Variants in FLG observed in about 807,000 individuals in gnomAD.
FLG encodes the protein filaggrin.
In FLG, 6 loss-of-function variants were observed where a neutral mutation model predicts 3.8. The observed-to-expected ratio is 1.60, with a 90% CI of 0.87 to 3.15. The LOEUF is 3.15. Ranked by LOEUF, FLG falls within the 30% of genes most tolerant of loss-of-function variation. The probability of loss-of-function intolerance (pLI) is 0.00; values close to 1 mark genes in which losing one functional copy is unlikely to be tolerated. For missense variants in FLG, 7,595 were observed against 5,050.9 expected (o/e 1.50, Z -15.27); for synonymous variants, 2,551 against 1,931.6 (o/e 1.32, Z -8.41).
At chr1:152,324,464 G>A in intron 1 of FLG, among the ~76,000 whole-genome samples, 1 of 151,716 alleles carries the variant, frequency 6.6e-6, no homozygotes, top group East Asian at 1.9e-4. Context: ...CTTGCCCTTT[G>A]CCTTGGCTAG....
In FLG at chr1:152,310,313, G is replaced by C. The variant is rs147929070; in HGVS notation, c.4573C>G (p.Gln1525Glu). 1.5e-4 allele frequency: 244 copies of C among 1,613,796 alleles called. 1 individual carries two copies. In the African/African-American group the frequency reaches 3.1e-3, roughly 20 times the overall value. The change falls in exon 3 of 3, where the codon CAG becomes GAG. Residue 1525 changes from glutamine to glutamate, a missense_variant. Coordinates refer to ENST00000368799, the MANE Select transcript of FLG (RefSeq NM_002016.2). Reference sequence around the variant, plus strand: ...CCATGGGAGGCATCAGACCTTCCCTGGGGTGTGGTGTGGCTGTGATGGTAC... The same window carrying C: ...CCATGGGAGGCATCAGACCTTCCCTCGGGTGTGGTGTGGCTGTGATGGTAC... Reference protein sequence around the residue: ...SGYHHSHTTPQGRSDASHGQS... With the variant: ...SGYHHSHTTPEGRSDASHGQS...
rs150489352 is a variant in FLG at position 152,304,153 on chromosome 1, G to A, written c.10733C>T (p.Pro3578Leu). ...QEQSRDGSRH[P>L]TSHHEDRAGH... ...GGCTCTGTCTTCGTGATGGGACGTG[G>A]GGTGTCTGGAGCCATCTCTTGACTG... Residue 3578 changes from proline to leucine, a missense_variant, in exon 3 of 3, where the codon CCC becomes CTC. Physicochemically the swap from Pro to Leu is moderately conservative, Grantham distance 98. Transcript: ENST00000368799. The A allele has an allele frequency of 1.2e-6, 2 of 1,605,492 alleles. No individual in the cohort carries two copies. The highest frequency in any genetic ancestry group is 2.8e-5 in the African/African-American group (2 of 72,274).
chr1:152,304,805 C>T lies in FLG; in HGVS notation c.10081G>A (p.Ala3361Thr). The change falls in exon 3 of 3, where the codon GCT becomes ACT. Residue 3361 changes from alanine (A) to threonine (T), a missense_variant. Transcript: ENST00000368799. The part of the protein sequence containing the change: ...DTQSVSGHGQ[A>T]GPHQQSHQES... ...TGGTGGCTCTGCTGATGGGGCCCAGCCTGTCCATGGCCTGACACTGACTGT... is the reference window on the plus strand; with the variant it reads ...TGGTGGCTCTGCTGATGGGGCCCAGTCTGTCCATGGCCTGACACTGACTGT... The T allele has an allele frequency of 6.2e-7, 1 of 1,613,908 alleles. No homozygotes were observed. The highest frequency in any genetic ancestry group is 1.1e-5 in the South Asian group (1 of 91,018).
Position 152,307,096 on chromosome 1 carries a change from T to C in FLG, c.7790A>G (p.Glu2597Gly), listed in dbSNP as rs1285838713. 1 of 1,610,956 alleles carries C rather than the reference T, an allele frequency of 6.2e-7. No homozygotes were observed. The highest frequency in any genetic ancestry group is 1.7e-5 in the Admixed American group (1 of 59,734). The change falls in exon 3 of 3, where the codon GAG (glutamate) becomes GGG (glycine). Residue 2597 changes from glutamate (E) to glycine (G), a missense_variant. By Grantham distance (98) the Glu-to-Gly change is moderately conservative. Coordinates refer to ENST00000368799, the MANE Select transcript of FLG (RefSeq NM_002016.2). Reference sequence around the variant, plus strand: ...GTGTCTGGAGCCATCTCTTAGCTGCTCCTGAGCAGATCCATGATGGTTTCT... The same window carrying C: ...GTGTCTGGAGCCATCTCTTAGCTGCCCCTGAGCAGATCCATGATGGTTTCT... ...ASRNHHGSAQ[E>G]QLRDGSRHPR...
rs1652033914 is a variant in FLG, at chr1:152,307,229, G to A, written c.7657C>T (p.Gln2553Ter). Reference protein sequence around the residue: ...SSGHSQVGQGQSEGPRTSRNW... With the variant: ...SSGHSQVGQG ...CTGCTTGTCCTGGGCCCCTCTGATT[G>A]TCCCTGGCCCACCTGCGAGTGTCCA... is the stretch of plus-strand genomic sequence containing the variant. The change falls in exon 3 of 3, where the codon CAA (glutamine) becomes TAA (stop). Residue 2553 changes from glutamine to a stop codon, truncating the protein, a stop_gained. Transcript: ENST00000368799. LOFTEE classifies it low-confidence loss of function (END_TRUNC). 6 of 1,612,826 alleles carry A rather than the reference G, an allele frequency of 3.7e-6. No individual in the cohort carries two copies. Among genetic ancestry groups the A allele is most frequent in the South Asian group, 1.1e-5 (1 of 91,072 alleles).
At chr1:152,322,054 A>G (rs1050362028) in intron 1 of FLG, among the ~76,000 whole-genome samples, 7 of 151,254 alleles carry the variant, frequency 4.6e-5, no homozygotes, top group Admixed American at 4.0e-4. Flanking sequence ...TGAACCTCTC[A>G]ATAGATGAAA....
intron 1 of FLG, among the ~76,000 whole-genome samples, chr1:152,323,702 G>A (rs2101659677): frequency 6.6e-6 from 1 of 150,968 alleles, no homozygotes; most frequent in South Asian, 2.1e-4. Context: ...ATGTACTGCT[G>A]GAGGCACATA....
rs1190791767 is a variant in FLG, at chr1:152,304,116, G to T, written c.10770C>A (p.His3590Gln). ...SHHEDRAGHG[H>Q]SAESSRQSGT... ...CTGATTGTCTGGAGCTCTCTGCAGA[G>T]TGCCCGTGACCGGCTCTGTCTTCGT... The change falls in exon 3 of 3, where the codon CAC (histidine) becomes CAA (glutamine). Residue 3590 changes from histidine to glutamine, a missense_variant. By Grantham distance (24) the His-to-Gln change is conservative. Transcript: ENST00000368799. 1 of 1,588,950 alleles carries T rather than the reference G, an allele frequency of 6.3e-7. No individual in the cohort carries two copies. The highest frequency in any genetic ancestry group is 8.6e-7 in the Non-Finnish European group (1 of 1,167,206).
At position 152,303,394 on chromosome 1, in the gene FLG, T is replaced by C. The variant is rs1651721068; in HGVS notation, c.11492A>G (p.His3831Arg). The change falls in exon 3 of 3, where the codon CAT (histidine) becomes CGT (arginine). Residue 3831 changes from histidine to arginine, a missense_variant. Physicochemically the swap from His to Arg is conservative, Grantham distance 29. Coordinates refer to ENST00000368799, the MANE Select transcript of FLG (RefSeq NM_002016.2). ...DGSRHSGSRHHEASTQADSSR... is the reference protein window; with the variant it reads ...DGSRHSGSRHREASTQADSSR... ...GCTGTCAGCCTGAGTGGAAGCTTCA[T>C]GGTGACGCGACCCTGAGTGCCTGGA... is the stretch of plus-strand genomic sequence containing the variant. The C allele has an allele frequency of 6.2e-7, 1 of 1,614,014 alleles. No homozygotes were observed. The highest frequency in any genetic ancestry group is 8.5e-7 in the Non-Finnish European group (1 of 1,180,022).
rs760545340 is a variant in FLG at position 152,307,561 on chromosome 1, T to G, written c.7325A>C (p.His2442Pro). 1 of 1,613,774 alleles carries G rather than the reference T, an allele frequency of 6.2e-7. No individual in the cohort carries two copies. Among genetic ancestry groups the G allele is most frequent in the Non-Finnish European group, 8.5e-7 (1 of 1,179,928 alleles). Residue 2442 changes from histidine to proline, a missense_variant, in exon 3 of 3, where the codon CAC becomes CCC. Transcript: ENST00000368799. ...GTSTGGRQGS[H>P]HKQARDSSRH... ...GGAGCTGTCTCGTGCCTGCTTGTGG[T>G]GGGATCCTTGTCTTCCTCCAGTGCT...
chr1:152,310,073 C>CTGAGT lies in FLG; in HGVS notation c.4808_4812dup (p.Glu1605ThrfsTer103), dbSNP rs775716153. 5 of 1,614,028 alleles carry CTGAGT rather than the reference C, an allele frequency of 3.1e-6. No individual in the cohort carries two copies. In the South Asian group the frequency reaches 3.3e-5, roughly 11 times the overall value. ...GACTCAGACCGCCTCTCAGAGTCTT[C>CTGAGT]TGAGTGTCCCTCACTGTCCCTGTCC... On this transcript the variant is annotated frameshift_variant, in exon 3 of 3. Transcript: ENST00000368799. LOFTEE classifies it low-confidence loss of function (END_TRUNC).
chr1:152,309,125 C>G lies in FLG; in HGVS notation c.5761G>C (p.Asp1921His), dbSNP rs755966032. Residue 1921 changes from aspartate to histidine, a missense_variant, in exon 3 of 3, where the codon GAC becomes CAC. Transcript: ENST00000368799. ...TCTGAGTGTCCCTGACTGTCACTGT[C>G]CTGGCTAACACTGGATCCCTGGTTC... is the stretch of plus-strand genomic sequence containing the variant. ...SRNQGSSVSQ[D>H]SDSQGHSEDS... 1 of 1,613,818 alleles carries G rather than the reference C, an allele frequency of 6.2e-7. No homozygotes were observed. The highest frequency in any genetic ancestry group is 2.2e-5 in the East Asian group (1 of 44,858).
Position 152,309,950 on chromosome 1 carries a change from A to T in FLG, c.4936T>A (p.Ser1646Thr). Residue 1646 changes from serine (S) to threonine (T), a missense_variant, in exon 3 of 3, where the codon TCT becomes ACT. Physicochemically the swap from Ser to Thr is moderately conservative, Grantham distance 58. Coordinates refer to ENST00000368799, the MANE Select transcript of FLG (RefSeq NM_002016.2). Reference protein sequence around the residue: ...HQEDRASHGHSAESSRQSGTR... With the variant: ...HQEDRASHGHTAESSRQSGTR... ...CCTGATTGTCTGGAGCTCTCTGCAGAGTGCCCATGACTGGCTCTATCTTCT... is the reference window on the plus strand; with the variant it reads ...CCTGATTGTCTGGAGCTCTCTGCAGTGTGCCCATGACTGGCTCTATCTTCT... 2 of 1,614,040 alleles carry T rather than the reference A, an allele frequency of 1.2e-6. No individual in the cohort carries two copies. The highest frequency in any genetic ancestry group is 1.7e-6 in the Non-Finnish European group (2 of 1,180,010).
In FLG at chr1:152,313,673, C is replaced by T. The variant is rs779477624; in HGVS notation, c.1213G>A (p.Ala405Thr). Residue 405 changes from alanine to threonine, a missense_variant, in exon 3 of 3, where the codon GCT (alanine) becomes ACT (threonine). Coordinates refer to ENST00000368799, the MANE Select transcript of FLG (RefSeq NM_002016.2). Reference protein sequence around the residue: ...SRHSATGRGQASSAVSDRGHR... With the variant: ...SRHSATGRGQTSSAVSDRGHR... Reference sequence around the variant, plus strand: ...CCACGATCGCTGACTGCAGATGAAGCTTGCCCGCGCCCAGTGGCTGAGTGT... The same window carrying T: ...CCACGATCGCTGACTGCAGATGAAGTTTGCCCGCGCCCAGTGGCTGAGTGT... 2 of 1,614,048 alleles carry T rather than the reference C, an allele frequency of 1.2e-6. No individual in the cohort carries two copies. The highest frequency in any genetic ancestry group is 1.7e-6 in the Non-Finnish European group (2 of 1,179,996).
rs142456327 is a variant in FLG, at chr1:152,310,159, A to T, written c.4727T>A (p.Val1576Glu). The T allele has an allele frequency of 2.3e-4, 368 of 1,613,582 alleles. No homozygotes were observed. The Middle Eastern group carries it at 2.3e-3, about 10-fold the overall frequency. The change falls in exon 3 of 3, where the codon GTG (valine) becomes GAG (glutamate). Residue 1576 changes from valine to glutamate, a missense_variant. Coordinates refer to ENST00000368799, the MANE Select transcript of FLG (RefSeq NM_002016.2). ...GGACCCCGCTGATTCTCCCTGGCCC[A>T]CCTGTGAGTGTCTAGAGCTGCCGGC... is the stretch of plus-strand genomic sequence containing the variant. ...TRAGSSRHSQ[V>E]GQGESAGSKT...
chr1:152,310,213 C>T lies in FLG; in HGVS notation c.4673G>A (p.Gly1558Glu), dbSNP rs551515807. 6.2e-7 allele frequency: 1 copy of T among 1,613,604 alleles called. No homozygotes were observed. The highest frequency in any genetic ancestry group is 1.1e-5 in the South Asian group (1 of 91,060). Residue 1558 changes from glycine to glutamate, a missense_variant, in exon 3 of 3, where the codon GGG becomes GAG. Transcript: ENST00000368799. ...AGTGGAAGGTTCATGGTGACGTGAC[C>T]CTGAGTGCCTGGAGCCGTCTCCTGA... Reference protein sequence around the residue: ...EQSGDGSRHSGSRHHEPSTRA... With the variant: ...EQSGDGSRHSESRHHEPSTRA...
chr1:152,314,931 A>G (rs1313628818), intron 2 of FLG, 184 bp from the exon 3 acceptor site: 1 of 643,006 alleles, frequency 1.6e-6, no homozygotes, highest in Admixed American at 3.0e-5. Flanking sequence ...AAAGATGTAG[A>G]CTAGTAAGGT....
Position 152,311,971 on chromosome 1 carries a change from C to A in FLG, c.2915G>T (p.Gly972Val). The change falls in exon 3 of 3, where the codon GGA (glycine) becomes GTA (valine). Residue 972 changes from glycine (G) to valine (V), a missense_variant. By Grantham distance (109) the Gly-to-Val change is moderately radical (BLOSUM62 -3). Transcript: ENST00000368799. ...ATGTCTTGACTGCTCCTGAGCAGATCCACGATGGTTTCTGGAAGCAGACCC... is the reference window on the plus strand; with the variant it reads ...ATGTCTTGACTGCTCCTGAGCAGATACACGATGGTTTCTGGAAGCAGACCC... ...WSGSASRNHR[G>V]SAQEQSRHGS... 1.2e-6 allele frequency: 2 copies of A among 1,614,040 alleles called. No individual in the cohort carries two copies. The highest frequency in any genetic ancestry group is 1.7e-6 in the Non-Finnish European group (2 of 1,179,978).
At position 152,314,326 on chromosome 1, in the gene FLG, T is replaced by A; in HGVS notation, c.560A>T (p.Lys187Met). The change falls in exon 3 of 3, where the codon AAG becomes ATG. Residue 187 changes from lysine (K) to methionine (M), a missense_variant. Physicochemically the swap from Lys to Met is moderately conservative, Grantham distance 95 (BLOSUM62 -1). Coordinates refer to ENST00000368799, the MANE Select transcript of FLG (RefSeq NM_002016.2). ...GTCTCCTAATCTAGTATTTTCAGTC[T>A]TGTTTTTCTCTTTTTTACTTGAGTT... ...HHNSSKKEKN[K>M]TENTRLGDNR... The A allele has an allele frequency of 6.2e-7, 1 of 1,613,362 alleles. No individual in the cohort carries two copies. The highest frequency in any genetic ancestry group is 8.5e-7 in the Non-Finnish European group (1 of 1,179,866).
Sources: allele counts gnomAD v4.1 joint callset (sites outside exome capture counted in the v4.1 genomes callset), GRCh38; gene constraint gnomAD v4.1.1; transcripts MANE v1.5; gene names NCBI Gene and HGNC (gene_info 2026-07-23, HGNC 2026-07-21).